Variants in ARHGEF38 observed in about 807,000 individuals in gnomAD.
ARHGEF38 encodes Rho guanine nucleotide exchange factor (GEF) 38.
In ARHGEF38, 79 loss-of-function variants were observed where a neutral mutation model predicts 79.9. The ratio of observed to expected loss-of-function variants is 0.99; its 90% confidence interval spans 0.82 to 1.19. ARHGEF38 has a LOEUF of 1.19. Ranked by LOEUF, ARHGEF38 falls within the 50% of genes most tolerant of loss-of-function variation. The pLI, the probability that ARHGEF38 is intolerant of heterozygous loss-of-function variation, is 0.00. For missense variants in ARHGEF38, 962 were observed against 907.2 expected (o/e 1.06, Z -0.78); for synonymous variants, 366 against 328.3 (o/e 1.11, Z -1.24).
intron 5 of ARHGEF38, among the ~76,000 whole-genome samples, chr4:105,640,608 G>T (rs991341610): frequency 5.9e-5 from 9 of 151,964 alleles, no homozygotes; most frequent in African/African-American, 2.2e-4. Context: ...TTCCTGTGTT[G>T]GTTCTAACTC....
At position 105,594,654 on chromosome 4, in the gene ARHGEF38, G is replaced by A. The variant is rs180937012; in HGVS notation, c.384+5219G>A. Among the ~76,000 whole-genome samples, 9 of 152,330 alleles carry A rather than the reference G, an allele frequency of 5.9e-5. No homozygotes were observed. In the East Asian group the frequency reaches 1.7e-3, roughly 29 times the overall value. ...TACCAGAAGTTCCTGGCTTAACTGAGTCACCTTGTATGAGTGAATCAGTGT... is the reference window on the plus strand; with the variant it reads ...TACCAGAAGTTCCTGGCTTAACTGAATCACCTTGTATGAGTGAATCAGTGT... On this transcript the variant is annotated intron_variant, in intron 2 of 13. Transcript: ENST00000420470.
Position 105,649,411 on chromosome 4 carries a change from T to C in ARHGEF38, c.1008+729T>C, listed in dbSNP as rs144372629. On this transcript the variant is annotated intron_variant, in intron 7 of 13. Transcript: ENST00000420470. ...GGGTACAATCTAGAAGTCTGTATTT[T>C]TGCAAACACTCTAGGTATTTTGAAG... 5.0e-3 allele frequency among the ~76,000 whole-genome samples: 757 copies of C among 152,326 alleles called. 7 individuals are homozygous for C. The highest frequency in any genetic ancestry group is 0.017 in the African/African-American group (706 of 41,574).
chr4:105,571,513 G>A (rs1019030098), intron 1 of ARHGEF38, among the ~76,000 whole-genome samples: 21 of 151,566 alleles, frequency 1.4e-4, no homozygotes, highest in East Asian at 3.9e-4. Flanking sequence ...TAGTAAAGAC[G>A]GGTTTCACTG....
chr4:105,569,147 C>T (rs1034943110), intron 1 of ARHGEF38, among the ~76,000 whole-genome samples: 10 of 152,206 alleles, frequency 6.6e-5, no homozygotes, highest in African/African-American at 1.7e-4. Flanking sequence ...GTTTAATCAT[C>T]TCCTTGCCCA....
intron 4 of ARHGEF38, among the ~76,000 whole-genome samples, chr4:105,632,339 A>C (rs1729230943): frequency 6.6e-6 from 1 of 152,178 alleles, no homozygotes; most frequent in Non-Finnish European, 1.5e-5. Context: ...CTAAGTATAC[A>C]AAAGTAAATA....
intron 10 of ARHGEF38, among the ~76,000 whole-genome samples, chr4:105,664,191 A>G (rs115693031): frequency 8.5e-5 from 13 of 152,276 alleles, no homozygotes; most frequent in African/African-American, 2.9e-4. Context: ...TGGTAACTCT[A>G]TCTTTTTGAA....
intron 3 of ARHGEF38, among the ~76,000 whole-genome samples, chr4:105,621,206 C>A (rs1176125746): frequency 6.6e-6 from 1 of 152,116 alleles, no homozygotes; most frequent in Non-Finnish European, 1.5e-5. Context: ...AGAGTTGAGC[C>A]CAGTCAATCT....
At position 105,659,075 on chromosome 4, in the gene ARHGEF38, A is replaced by G. The variant is rs182832913; in HGVS notation, c.1255A>G (p.Ile419Val). 1 of 1,535,688 alleles carries G rather than the reference A, an allele frequency of 6.5e-7. No individual in the cohort carries two copies. The highest frequency in any genetic ancestry group is 2.0e-5 in the Admixed American group (1 of 50,972). The change falls in exon 10 of 14, where the codon ATC becomes GTC. Residue 419 changes from isoleucine to valine, a missense_variant. Ile to Val is a conservative substitution (Grantham distance 29, BLOSUM62 3). Transcript: ENST00000420470. ...GCAGGCATCTCACTTACAGAGACTC[A>G]TCCTGACCCCCTTGTCAGCCCTGCT... is the stretch of plus-strand genomic sequence containing the variant. ...HDFASHLQRLILTPLSALLSL... is the reference protein window; with the variant it reads ...HDFASHLQRLVLTPLSALLSL...
chr4:105,669,248 A>G (rs1730877007), intron 13 of ARHGEF38, among the ~76,000 whole-genome samples: 1 of 149,576 alleles, frequency 6.7e-6, no homozygotes, highest in East Asian at 2.0e-4. Context: ...TTAAACCTAA[A>G]TAGCTATCTT....
At chr4:105,654,569 T>TAAATTGA (rs1406125348) in intron 8 of ARHGEF38, among the ~76,000 whole-genome samples, 2 of 152,080 alleles carry the variant, frequency 1.3e-5, no homozygotes, top group African/African-American at 4.8e-5. Flanking sequence ...TAAAGGAAAA[T>TAAATTGA]AAATTGAACT....
chr4:105,613,348 G>A, intron 2 of ARHGEF38, 36 bp from the exon 3 acceptor site: 5 of 1,604,456 alleles, frequency 3.1e-6, no homozygotes, highest in Non-Finnish European at 4.3e-6. Flanking sequence ...TAAATACAGT[G>A]CTTCTCCATC....
At chr4:105,576,430 A>T in intron 1 of ARHGEF38, among the ~76,000 whole-genome samples, 1 of 132,678 alleles carries the variant, frequency 7.5e-6, no homozygotes, top group Non-Finnish European at 1.6e-5. Context: ...TTTTGCAGCC[A>T]TTGTAAAAGG....
At chr4:105,559,009 C>T (rs1335408620) in intron 1 of ARHGEF38, among the ~76,000 whole-genome samples, 3 of 151,056 alleles carry the variant, frequency 2.0e-5, no homozygotes, top group East Asian at 3.9e-4. Context: ...GAGAAAAGCA[C>T]CCAAGCCACA....
chr4:105,672,149 T>C (rs1246371313), intron 13 of ARHGEF38, among the ~76,000 whole-genome samples: 1 of 152,218 alleles, frequency 6.6e-6, no homozygotes, highest in African/African-American at 2.4e-5. Context: ...GGTCTATGAA[T>C]GAGTTTTGGG....
At chr4:105,653,981 ATGTGCTGGACCAATATGGTC>A in intron 7 of ARHGEF38, 64 bp from the exon 8 acceptor site, 1 of 634,188 alleles carries the variant, frequency 1.6e-6, no homozygotes, top group South Asian at 4.2e-5. Context: ...TTCTTTTGTA[ATGTGCTGGACCAATATGGTC>A]TGTGCTATTT....
At chr4:105,585,130 G>T (rs998481741) in intron 1 of ARHGEF38, among the ~76,000 whole-genome samples, 2 of 151,928 alleles carry the variant, frequency 1.3e-5, no homozygotes, top group African/African-American at 4.8e-5. Flanking sequence ...GTTTGCTCTA[G>T]ATGGTGGAAG....
intron 9 of ARHGEF38, among the ~76,000 whole-genome samples, chr4:105,657,036 A>T (rs978096473): frequency 2.0e-5 from 3 of 151,896 alleles, no homozygotes; most frequent in African/African-American, 7.3e-5. Context: ...GATGATAGAT[A>T]GATAGATAGA....
At chr4:105,673,144 A>G (rs908475785) in intron 13 of ARHGEF38, among the ~76,000 whole-genome samples, 1 of 152,116 alleles carries the variant, frequency 6.6e-6, no homozygotes, top group South Asian at 2.1e-4. Flanking sequence ...TAGCCTAATC[A>G]CAGGAGTAAT....
intron 1 of ARHGEF38, 43 bp from the exon 2 acceptor site, chr4:105,589,205 A>G: frequency 6.6e-7 from 1 of 1,516,626 alleles, no homozygotes; most frequent in East Asian, 2.3e-5. Context: ...GGAAAAAGAA[A>G]CCTCAGCAGA....
Sources: allele counts gnomAD v4.1 joint callset (sites outside exome capture counted in the v4.1 genomes callset), GRCh38; gene constraint gnomAD v4.1.1; transcripts MANE v1.5; gene names NCBI Gene and HGNC (gene_info 2026-07-23, HGNC 2026-07-21).